Variants in TUBE1 observed in about 807,000 individuals in gnomAD.
TUBE1 encodes tubulin epsilon 1, also known as tubulin epsilon chain.
Under a neutral mutation model 53.5 loss-of-function variants are expected in TUBE1, and 34 were observed. That is an observed-to-expected ratio of 0.64 (90% CI 0.48 to 0.85). TUBE1 has a LOEUF of 0.85. Ranked by LOEUF, TUBE1 falls within the 40% of genes least tolerant of loss-of-function variation. The pLI is 0.00. For missense variants in TUBE1, 532 were observed against 570.5 expected (o/e 0.93, Z 0.69); for synonymous variants, 177 against 198.4 (o/e 0.89, Z 0.91).
At chr6:112,073,375 C>T (rs587690823) in intron 9 of TUBE1, among the ~76,000 whole-genome samples, 1 of 152,224 alleles carries the variant, frequency 6.6e-6, no homozygotes, top group South Asian at 2.1e-4. Context: ...CAATGTGAAG[C>T]TCTCCTATAA....
chr6:112,073,199 T>C (rs889130620), intron 9 of TUBE1, among the ~76,000 whole-genome samples: 5 of 152,118 alleles, frequency 3.3e-5, no homozygotes, highest in Non-Finnish European at 5.9e-5. Flanking sequence ...CTCTATGTAG[T>C]ACTGATTTTT....
At chr6:112,083,351 C>T (rs1336742328) in intron 4 of TUBE1, among the ~76,000 whole-genome samples, 2 of 150,160 alleles carry the variant, frequency 1.3e-5, no homozygotes, top group African/African-American at 2.5e-5. Flanking sequence ...GACGGAGTCC[C>T]GCTGTCGCCC....
At chr6:112,078,666 T>C (rs1777015217) in intron 6 of TUBE1, 1 of 152,050 alleles carries the variant, frequency 6.6e-6, no homozygotes, top group Admixed American at 6.5e-5. Context: ...TCTTCTGAGA[T>C]GTTGGGTAGT....
chr6:112,073,100 T>C (rs1434330219), intron 9 of TUBE1, among the ~76,000 whole-genome samples: 2 of 143,488 alleles, frequency 1.4e-5, no homozygotes, highest in South Asian at 2.1e-4. Flanking sequence ...GAAGAAATCA[T>C]ATAATATTTT....
At chr6:112,078,563 G>C (rs1470182608) in intron 6 of TUBE1, 1 of 152,014 alleles carries the variant, frequency 6.6e-6, no homozygotes, top group African/African-American at 2.4e-5. Flanking sequence ...TAAGGACAGG[G>C]AGTAGGCATT....
In TUBE1 at chr6:112,071,434, G is replaced by C. The variant is rs17856920; in HGVS notation, c.1406C>G (p.Pro469Arg). 2 of 1,601,096 alleles carry C rather than the reference G, an allele frequency of 1.2e-6. No homozygotes were observed. The highest frequency in any genetic ancestry group is 1.7e-6 in the Non-Finnish European group (2 of 1,171,630). The change falls in exon 12 of 12, where the codon CCC becomes CGC. Residue 469 changes from proline (P) to arginine (R), a missense_variant. Coordinates refer to ENST00000368662, the MANE Select transcript of TUBE1 (RefSeq NM_016262.5). ...TTTTCACATAGCTATGCTTAGTCTG[G>C]GTAAATCCTGCACAGGCATGTTTTT... ...ATKNMPVQDL[P>R]RLSIAM
intron 3 of TUBE1, 111 bp downstream of exon 3, chr6:112,086,445 C>A: frequency 1.5e-6 from 1 of 663,558 alleles, no homozygotes; most frequent in Non-Finnish European, 2.5e-6. Context: ...AATAATGAAA[C>A]AAAAAAACAC....
chr6:112,082,999 T>C (rs1019041023), intron 4 of TUBE1, among the ~76,000 whole-genome samples: 1 of 152,110 alleles, frequency 6.6e-6, no homozygotes, highest in Non-Finnish European at 1.5e-5. Flanking sequence ...TTCCTAATAG[T>C]GTTTCCTTCA....
In TUBE1 at chr6:112,079,522, G is replaced by A. The variant is rs782227443; in HGVS notation, c.448+111C>T. 210 of 1,093,524 alleles carry A rather than the reference G, an allele frequency of 1.9e-4. 1 individual carries two copies. Among genetic ancestry groups the A allele is most frequent in the Non-Finnish European group, 2.5e-4 (191 of 763,618 alleles). The allele number at this position is 1,093,524 out of a possible 1,614,324, so 67.7% of individuals were successfully genotyped here. A position where few individuals can be genotyped will look rare whatever the true frequency, so the allele number is the denominator to read the frequency against. On this transcript the variant is annotated intron_variant, in intron 6 of 11. Transcript: ENST00000368662. ...TATATACTCAAACTACACACCCTCC[G>A]AATAGTTCTATCTTTATCAAGCACA...
At position 112,087,281 on chromosome 6, in the gene TUBE1, G is replaced by A. The variant is rs1292414868; in HGVS notation, c.51C>T (p.Gly17=). The change falls in exon 2 of 12, where the codon GGC becomes GGT. Residue 17 remains glycine, a synonymous_variant. Transcript: ENST00000368662. The stretch of plus-strand genomic sequence containing the variant: ...TTAGTGCCAGGTCCCAGAAGCAGCA[G>A]CCGATCTGGTTTCCGCACTGGCCGA... The part of the protein sequence containing the change: ...VQVGQCGNQI[G]CCFWDLALRE... 1.9e-6 allele frequency: 3 copies of A among 1,552,322 alleles called. No individual in the cohort carries two copies. Among genetic ancestry groups the A allele is most frequent in the Non-Finnish European group, 2.6e-6 (3 of 1,147,386 alleles).
chr6:112,081,210 G>A lies in TUBE1; in HGVS notation c.211-3C>T, dbSNP rs1554316727. Reference sequence around the variant, plus strand: ...TCTTCCATATCAATCAAGACTGCCTGAGAAAGAAAAATAAAATATAATTAA... The same window carrying A: ...TCTTCCATATCAATCAAGACTGCCTAAGAAAGAAAAATAAAATATAATTAA... On this transcript the variant is annotated splice_polypyrimidine_tract_variant and splice_region_variant and intron_variant, in intron 4 of 11. Transcript: ENST00000368662. 6.6e-7 allele frequency: 1 copy of A among 1,511,098 alleles called. No homozygotes were observed. The highest frequency in any genetic ancestry group is 2.3e-5 in the East Asian group (1 of 44,124). 93.6% of individuals were successfully genotyped at this position (1,511,098 alleles called of 1,614,324 possible).
chr6:112,087,234 T>TG lies in TUBE1; in HGVS notation c.97dup (p.Gln33ProfsTer6). ...GGGCTCGCGGCGGCGGGCGGGTACC[T>TG]GGTTGACCGCGGCGTGCTCCCTTAG... On this transcript the variant is annotated frameshift_variant and splice_region_variant, in exon 2 of 12. Coordinates refer to ENST00000368662, the MANE Select transcript of TUBE1 (RefSeq NM_016262.5). LOFTEE classifies it high-confidence loss of function. 1.3e-5 allele frequency: 20 copies of TG among 1,550,762 alleles called. No homozygotes were observed. The highest frequency in any genetic ancestry group is 1.7e-5 in the Non-Finnish European group (19 of 1,146,810).
At chr6:112,086,498 C>T in intron 3 of TUBE1, 58 bp downstream of exon 3, 2 of 1,341,276 alleles carry the variant, frequency 1.5e-6, no homozygotes, top group South Asian at 2.6e-5. Flanking sequence ...GAAGAATTCT[C>T]TCCCAAGCTA....
At chr6:112,074,628 G>A (rs1262816882) in intron 9 of TUBE1, 82 bp downstream of exon 9, 5 of 1,091,400 alleles carry the variant, frequency 4.6e-6, no homozygotes, top group Non-Finnish European at 6.1e-6. Flanking sequence ...AATAACTAGA[G>A]TTATTGCAAA....
At chr6:112,071,621 A>G in intron 11 of TUBE1, 51 bp from the exon 12 acceptor site, 1 of 1,409,584 alleles carries the variant, frequency 7.1e-7, no homozygotes, top group Non-Finnish European at 9.8e-7. Flanking sequence ...ACTTTAATAC[A>G]TAAGACTATC....
intron 6 of TUBE1, chr6:112,077,576 T>C (rs587731742): frequency 6.6e-6 from 1 of 152,238 alleles, no homozygotes; most frequent in South Asian, 2.1e-4. Context: ...TTGTGATATA[T>C]AAAATGTATT....
At position 112,084,308 on chromosome 6, in the gene TUBE1, T is replaced by G. The variant is rs1777116271; in HGVS notation, c.153-62A>C. Reference sequence around the variant, plus strand: ...TTCCATGGCTAATAGCACTATCAGGTGATAAAGTTAACTTCCATTTATATA... The same window carrying G: ...TTCCATGGCTAATAGCACTATCAGGGGATAAAGTTAACTTCCATTTATATA... On this transcript the variant is annotated intron_variant, in intron 3 of 11. Transcript: ENST00000368662. 2.2e-6 allele frequency: 3 copies of G among 1,368,108 alleles called. No homozygotes were observed. The African/African-American group carries it at 4.3e-5, about 20-fold the overall frequency. The allele number at this position is 1,368,108 out of a possible 1,614,324, so 84.7% of individuals were successfully genotyped here.
chr6:112,087,314 C>G lies in TUBE1; in HGVS notation c.26-8G>C. ...GGTTTCCGCACTGGCCGACTGCGAC[C>G]GGAGGAGAGGAAGGAAAGAGAATAG... On this transcript the variant is annotated splice_region_variant and splice_polypyrimidine_tract_variant and intron_variant, in intron 1 of 11. Coordinates refer to ENST00000368662, the MANE Select transcript of TUBE1 (RefSeq NM_016262.5). 1 of 1,552,222 alleles carries G rather than the reference C, an allele frequency of 6.4e-7. No individual in the cohort carries two copies. Among genetic ancestry groups the G allele is most frequent in the Non-Finnish European group, 8.7e-7 (1 of 1,147,254 alleles).
chr6:112,081,279 T>G (rs587676188), intron 4 of TUBE1, 72 bp from the exon 5 acceptor site: 79 of 776,848 alleles, frequency 1.0e-4, no homozygotes, highest in Admixed American at 8.5e-4. Context: ...TGAAAAGAAT[T>G]TATGCGCTGA....
Sources: gnomAD v4.1 joint callset for allele counts (sites outside exome capture counted in the v4.1 genomes callset) on GRCh38, gnomAD v4.1.1 for gene constraint, MANE v1.5 for transcripts, NCBI Gene and HGNC (gene_info 2026-07-23, HGNC 2026-07-21) for gene names.